Variants in PTPRH observed in about 807,000 individuals in gnomAD.
The protein encoded by PTPRH is receptor-type tyrosine-protein phosphatase H.
A neutral mutation model predicts 130.2 loss-of-function variants in PTPRH; 113 were observed. The ratio of observed to expected loss-of-function variants is 0.87; its 90% CI spans 0.75 to 1.01. The LOEUF (loss-of-function observed/expected upper bound fraction) is 1.01, where lower values mean the gene tolerates loss of function less well. PTPRH is among the 50% of genes least tolerant of loss of function. PTPRH has a pLI of 0.00. For missense variants in PTPRH, 1,430 were observed against 1,425.0 expected (o/e 1.00, Z -0.06); for synonymous variants, 556 against 577.9 (o/e 0.96, Z 0.54).
Position 55,209,088 on chromosome 19 carries a change from C to T in PTPRH, c.51+295G>A, listed in dbSNP as rs541674907. 1.3e-4 allele frequency among the ~76,000 whole-genome samples: 20 copies of T among 152,044 alleles called. No individual in the cohort carries two copies. The highest frequency in any genetic ancestry group is 1.9e-4 in the African/African-American group (8 of 41,444). On this transcript the variant is annotated intron_variant, in intron 1 of 19. Transcript: ENST00000376350. The surrounding 1 kb of genome is among the most constrained non-coding windows in gnomAD (Gnocchi z 4.1). Reference sequence around the variant, plus strand: ...TGTGTTGCCTGAAGCCAGTGTCCCCCGCAGCAGACACGACAGTGTCTAAGG... The same window carrying T: ...TGTGTTGCCTGAAGCCAGTGTCCCCTGCAGCAGACACGACAGTGTCTAAGG...
rs776967300 is a variant in PTPRH, at chr19:55,186,561, T to A, written c.2567-21A>T. On this transcript the variant is annotated intron_variant, in intron 14 of 19. Coordinates refer to ENST00000376350, the MANE Select transcript of PTPRH (RefSeq NM_002842.5). Reference sequence around the variant, plus strand: ...GTCATCTAGGAGAAGAGGCCAGCATTAGCCAGGCAGAGAGACCCAGAGAGG... The same window carrying A: ...GTCATCTAGGAGAAGAGGCCAGCATAAGCCAGGCAGAGAGACCCAGAGAGG... 4 of 1,160,974 alleles carry A rather than the reference T, an allele frequency of 3.4e-6. No homozygotes were observed. In the South Asian group the frequency reaches 7.0e-5, roughly 20 times the overall value. 71.9% of individuals were successfully genotyped at this position (1,160,974 alleles called of 1,614,324 possible). A position where few individuals can be genotyped will look rare whatever the true frequency, so the allele number is the denominator to read the frequency against.
Position 55,196,527 on chromosome 19 carries a change from C to G in PTPRH, c.2252G>C (p.Ser751Thr). 6.2e-7 allele frequency: 1 copy of G among 1,610,426 alleles called. No homozygotes were observed. Among genetic ancestry groups the G allele is most frequent in the Non-Finnish European group, 8.5e-7 (1 of 1,178,818 alleles). ...GCCCGCGCGGCTCCGCTCACCTGCA[C>G]TCTCGGTGTGGCAGACCACAGAGTG... ...VSHSVVCHTE[S>T]AGVIAGAFVG... The change falls in exon 10 of 20, where the codon AGT becomes ACT. Residue 751 changes from serine (S) to threonine (T), a missense_variant. Ser to Thr is a moderately conservative substitution (Grantham distance 58, BLOSUM62 1). Transcript: ENST00000376350.
chr19:55,205,799 C>G (rs1343358614), intron 3 of PTPRH, among the ~76,000 whole-genome samples: 1 of 152,212 alleles, frequency 6.6e-6, no homozygotes. Context: ...AAGATCCACA[C>G]CGGCTTTCGA....
At chr19:55,194,186 T>C in intron 10 of PTPRH, 1 of 1,289,406 alleles carries the variant, frequency 7.8e-7, no homozygotes, top group Non-Finnish European at 1.0e-6. Context: ...CAGGCTCTGA[T>C]GGCACAGTTC....
chr19:55,204,163 A>C (rs45559837), intron 4 of PTPRH, 115 bp from the exon 5 acceptor site: 266 of 1,200,188 alleles, frequency 2.2e-4, no homozygotes, highest in Non-Finnish European at 2.9e-4. Flanking sequence ...TCTGTCATCC[A>C]GGCTGGAGTG....
At chr19:55,191,902 G>C in intron 10 of PTPRH, 161 bp from the exon 11 acceptor site, 1 of 721,574 alleles carries the variant, frequency 1.4e-6, no homozygotes, top group Non-Finnish European at 2.5e-6. Context: ...TTATACTTAC[G>C]CGCTTACCCA....
intron 3 of PTPRH, among the ~76,000 whole-genome samples, chr19:55,206,271 T>G (rs2087049734): frequency 6.6e-6 from 1 of 151,528 alleles, no homozygotes; most frequent in Admixed American, 6.6e-5. Flanking sequence ...CTACATAAAA[T>G]CTCTCATAGT....
chr19:55,191,878 T>C (rs958736862), intron 10 of PTPRH, 137 bp from the exon 11 acceptor site: 3 of 798,044 alleles, frequency 3.8e-6, no homozygotes, highest in Non-Finnish European at 4.4e-6. Flanking sequence ...ACGGTGTGAA[T>C]TGCGTCGGTC....
rs550881902 is a variant in PTPRH, at chr19:55,187,146, C to T, written c.2566+367G>A. 4.7e-5 allele frequency among the ~76,000 whole-genome samples: 7 copies of T among 150,534 alleles called. No homozygotes were observed. In the South Asian group the frequency reaches 6.3e-4, roughly 14 times the overall value. On this transcript the variant is annotated intron_variant, in intron 14 of 19. Transcript: ENST00000376350. ...AGATCACAAGGTCAGGAGATCGAGA[C>T]CATCCTGGCTAACACGGTGAAACCC...
intron 2 of PTPRH, 64 bp downstream of exon 2, chr19:55,207,102 G>T (rs562825776): frequency 1.2e-6 from 2 of 1,603,486 alleles, no homozygotes; most frequent in African/African-American, 2.7e-5. Context: ...ACCCCCCAGA[G>T]GCTCACGGCA....
chr19:55,206,328 CTTT>C (rs571836867), intron 3 of PTPRH, among the ~76,000 whole-genome samples: 2 of 134,182 alleles, frequency 1.5e-5, no homozygotes. Flanking sequence ...GTTTTCTTTT[CTTT>C]TTTTTTTTTT....
At chr19:55,183,054 C>G (rs894066945) in intron 18 of PTPRH, among the ~76,000 whole-genome samples, 5 of 150,418 alleles carry the variant, frequency 3.3e-5, no homozygotes, top group East Asian at 2.0e-4. Flanking sequence ...CCTCAGCCCC[C>G]CAAAGTGCTG....
chr19:55,205,246 T>C (rs2087007370), intron 4 of PTPRH, 80 bp downstream of exon 4: 5 of 1,579,894 alleles, frequency 3.2e-6, no homozygotes, highest in Non-Finnish European at 4.3e-6. Context: ...AGAGGGACTA[T>C]GGAATAGAAA....
chr19:55,201,671 C>T (rs2086867816), intron 6 of PTPRH, among the ~76,000 whole-genome samples: 1 of 152,190 alleles, frequency 6.6e-6, no homozygotes, highest in Non-Finnish European at 1.5e-5. Context: ...ATCTGAGTTT[C>T]CATCCTCAAT....
chr19:55,196,433 A>T, intron 10 of PTPRH, 89 bp downstream of exon 10: 1 of 1,409,378 alleles, frequency 7.1e-7, no homozygotes. Flanking sequence ...TGAGAAACAA[A>T]AGAGTCCCAC....
chr19:55,193,236 A>C (rs896126117), intron 10 of PTPRH, among the ~76,000 whole-genome samples: 1 of 151,678 alleles, frequency 6.6e-6, no homozygotes, highest in Non-Finnish European at 1.5e-5. Context: ...TCAAAAAAAA[A>C]AAAAAGAAAA....
At chr19:55,199,759 G>A (rs191321812) in intron 7 of PTPRH, among the ~76,000 whole-genome samples, 2,037 of 122,758 alleles carry the variant, frequency 0.017, 55 homozygotes, top group African/African-American at 0.059. Context: ...GAAAGAAAGA[G>A]AAAGAGAAAG....
In PTPRH at chr19:55,191,691, C is replaced by T. The variant is rs749883971; in HGVS notation, c.2308G>A (p.Gly770Ser). The change falls in exon 11 of 20, where the codon GGC becomes AGC. Residue 770 changes from glycine (G) to serine (S), a missense_variant. Transcript: ENST00000376350. ...CTCTTCAGGAAGAAAATCAGCAGGC[C>T]CACGAGGATGAGAAACAGGAGGATG... Reference protein sequence around the residue: ...VGILLFLILVGLLIFFLKRRN... With the variant: ...VGILLFLILVSLLIFFLKRRN... The T allele has an allele frequency of 5.0e-6, 8 of 1,614,114 alleles. No individual in the cohort carries two copies. The highest frequency in any genetic ancestry group is 6.8e-6 in the Non-Finnish European group (8 of 1,180,016).
At chr19:55,183,365 C>T (rs768947377) in intron 18 of PTPRH, among the ~76,000 whole-genome samples, 1 of 151,204 alleles carries the variant, frequency 6.6e-6, no homozygotes, top group Non-Finnish European at 1.5e-5. Context: ...GATCACATCA[C>T]TGCACTCCCA....
Sources: gnomAD v4.1 joint callset for allele counts (sites outside exome capture counted in the v4.1 genomes callset) on GRCh38, gnomAD v4.1.1 for gene constraint, Gnocchi (gnomAD v3.1) non-coding constraint, MANE v1.5 for transcripts, NCBI Gene and HGNC (gene_info 2026-07-23, HGNC 2026-07-21) for gene names.